Variants in RBFOX1 observed in about 807,000 individuals in gnomAD.
The protein encoded by RBFOX1 is RNA binding protein fox-1 homolog 1.
A neutral mutation model predicts 57.7 loss-of-function variants in RBFOX1; 8 were observed. The ratio of observed to expected loss-of-function variants is 0.14; its 90% confidence interval spans 0.08 to 0.25. RBFOX1 has a LOEUF of 0.25. Ranked by LOEUF, RBFOX1 falls within the 10% of genes least tolerant of loss-of-function variation. RBFOX1 has a pLI of 1.00. For missense variants in RBFOX1, 611 were observed against 548.5 expected (o/e 1.11, Z -1.14); for synonymous variants, 326 against 222.4 (o/e 1.47, Z -4.15).
At chr16:6,566,407 A>T (rs2097266481) in intron 2 of RBFOX1, among the ~76,000 whole-genome samples, 1 of 152,096 alleles carries the variant, frequency 6.6e-6, no homozygotes, top group Admixed American at 6.6e-5. Flanking sequence ...TTTTGTGGCT[A>T]GACGTAGGGA....
intron 2 of RBFOX1, among the ~76,000 whole-genome samples, chr16:6,494,338 G>T (rs749952776): frequency 6.6e-6 from 1 of 152,082 alleles, no homozygotes; most frequent in Non-Finnish European, 1.5e-5. Context: ...CCATCCTGAG[G>T]TTCCATTTGT....
chr16:6,198,054 A>T (rs1023564278), intron 1 of RBFOX1, among the ~76,000 whole-genome samples: 1 of 152,214 alleles, frequency 6.6e-6, no homozygotes, highest in African/African-American at 2.4e-5. Context: ...GAATTAACTA[A>T]TACTTACCTG....
chr16:6,492,676 G>T (rs1377675724), intron 2 of RBFOX1, among the ~76,000 whole-genome samples: 1 of 152,166 alleles, frequency 6.6e-6, no homozygotes, highest in Non-Finnish European at 1.5e-5. Context: ...GATGCAGCTT[G>T]GTTCACTGCC....
intron 1 of RBFOX1, among the ~76,000 whole-genome samples, chr16:5,430,140 AG>A: frequency 1.3e-5 from 2 of 152,298 alleles, no homozygotes; most frequent in South Asian, 4.1e-4. Context: ...TACAGGGAGA[AG>A]GGAAGCAGGA....
At chr16:5,807,278 C>G (rs1301241522) in intron 3 of RBFOX1, among the ~76,000 whole-genome samples, 2 of 152,162 alleles carry the variant, frequency 1.3e-5, no homozygotes, top group Admixed American at 6.5e-5. Flanking sequence ...TGAATTGCAT[C>G]TTCTTGTATC....
chr16:6,508,478 A>G (rs2096169553), intron 2 of RBFOX1, among the ~76,000 whole-genome samples: 1 of 152,188 alleles, frequency 6.6e-6, no homozygotes, highest in South Asian at 2.1e-4. Flanking sequence ...AAAACCAAAA[A>G]GAAAACATAA....
At chr16:6,057,159 G>A (rs569548155) in intron 1 of RBFOX1, 2 of 152,250 alleles carry the variant, frequency 1.3e-5, no homozygotes, top group East Asian at 3.9e-4. Flanking sequence ...GATGGATTGT[G>A]TTAGAGAGTA....
chr16:5,606,179 A>T (rs1369233501), intron 3 of RBFOX1, among the ~76,000 whole-genome samples: 2 of 152,064 alleles, frequency 1.3e-5, no homozygotes, highest in Non-Finnish European at 2.9e-5. Flanking sequence ...AGGTCCTGTG[A>T]TTTCATACTT....
At chr16:5,837,959 A>G (rs2056512005) in intron 3 of RBFOX1, among the ~76,000 whole-genome samples, 1 of 152,170 alleles carries the variant, frequency 6.6e-6, no homozygotes, top group Admixed American at 6.5e-5. Context: ...GAAAGAGGCA[A>G]CACAGGTACA....
At chr16:6,526,322 G>T (rs1015566837) in intron 2 of RBFOX1, among the ~76,000 whole-genome samples, 2 of 152,136 alleles carry the variant, frequency 1.3e-5, no homozygotes, top group Non-Finnish European at 2.9e-5. Flanking sequence ...TTTGCTACAT[G>T]GGAGAGGTGT....
Position 6,898,905 on chromosome 16 carries a change from G to A in RBFOX1, c.-15-153152G>A, listed in dbSNP as rs529681074. Among the ~76,000 whole-genome samples, 956 of 127,978 alleles carry A rather than the reference G, an allele frequency of 7.5e-3. 16 individuals are homozygous for A. The highest frequency in any genetic ancestry group is 0.042 in the African/African-American group (908 of 21,674). 84.0% of individuals were successfully genotyped at this position (127,978 alleles called of 152,430 possible). A position where few individuals can be genotyped will look rare whatever the true frequency, so the allele number is the denominator to read the frequency against. ...TATAATACGTGTGTGCATCTCGTAT[G>A]TGTTTGTGCATATGTGTATATGTGT... On this transcript the variant is annotated intron_variant, in intron 3 of 15. Coordinates refer to ENST00000550418, the MANE Select transcript of RBFOX1 (RefSeq NM_018723.4).
At chr16:6,469,396 C>T (rs1158371201) in intron 2 of RBFOX1, among the ~76,000 whole-genome samples, 1 of 152,124 alleles carries the variant, frequency 6.6e-6, no homozygotes, top group South Asian at 2.1e-4. Flanking sequence ...CTTTAAGAGA[C>T]CCACATAGAC....
chr16:7,455,433 G>C (rs1335267086), intron 4 of RBFOX1, among the ~76,000 whole-genome samples: 1 of 152,108 alleles, frequency 6.6e-6, no homozygotes, highest in African/African-American at 2.4e-5. Flanking sequence ...TCCCAGAGTT[G>C]TTTGCAAGAA....
At chr16:6,535,822 A>G (rs1420995972) in intron 2 of RBFOX1, among the ~76,000 whole-genome samples, 1 of 152,206 alleles carries the variant, frequency 6.6e-6, no homozygotes, top group Admixed American at 6.5e-5. Context: ...ACACAAGCTC[A>G]GTTTCTCCCT....
At chr16:5,693,896 C>T (rs1358349229) in intron 3 of RBFOX1, among the ~76,000 whole-genome samples, 1 of 152,162 alleles carries the variant, frequency 6.6e-6, no homozygotes, top group Non-Finnish European at 1.5e-5. Context: ...GGACTGTCTT[C>T]TGGGCTGCCT....
intron 4 of RBFOX1, among the ~76,000 whole-genome samples, chr16:7,171,427 T>C (rs937093323): frequency 3.9e-5 from 6 of 152,358 alleles, no homozygotes; most frequent in Admixed American, 3.9e-4. Context: ...CTGTTTTGTA[T>C]GTTCCCTGGT....
intron 3 of RBFOX1, among the ~76,000 whole-genome samples, chr16:6,785,855 T>C (rs924572349): frequency 1.3e-5 from 2 of 152,216 alleles, no homozygotes; most frequent in African/African-American, 4.8e-5. Flanking sequence ...TCAAAGTCCA[T>C]TAGACTCTAA....
At chr16:5,960,632 T>C (rs2059729061) in intron 4 of RBFOX1, among the ~76,000 whole-genome samples, 1 of 152,134 alleles carries the variant, frequency 6.6e-6, no homozygotes, top group Non-Finnish European at 1.5e-5. Context: ...CTCCGAAACC[T>C]CTAGCTCCTC....
At chr16:7,106,664 A>C (rs570851173) in intron 4 of RBFOX1, among the ~76,000 whole-genome samples, 2 of 152,170 alleles carry the variant, frequency 1.3e-5, no homozygotes, top group East Asian at 1.9e-4. Context: ...ATTTAATTCA[A>C]ACATTGTGGA....
Sources: gnomAD v4.1 joint callset for allele counts (sites outside exome capture counted in the v4.1 genomes callset) on GRCh38, gnomAD v4.1.1 for gene constraint, MANE v1.5 for transcripts, NCBI Gene and HGNC (gene_info 2026-07-23, HGNC 2026-07-21) for gene names.